CFAP52: variants seen among roughly 807,000 people sequenced by gnomAD.
CFAP52 encodes cilia and flagella associated protein 52, also known as cilia- and flagella-associated protein 52.
In CFAP52, 57 loss-of-function variants were observed where a neutral mutation model predicts 70.5. The ratio of observed to expected loss-of-function variants is 0.81; its 90% CI spans 0.65 to 1.01. The LOEUF (loss-of-function observed/expected upper bound fraction) is 1.01. Ranked by LOEUF, CFAP52 falls within the 50% of genes least tolerant of loss-of-function variation. The pLI, the probability that CFAP52 is intolerant of heterozygous loss-of-function variation, is 0.00. For missense variants in CFAP52, 785 were observed against 788.5 expected, an observed-to-expected ratio of 1.00 and a Z score of 0.05; for synonymous variants, 267 against 292.5, an observed-to-expected ratio of 0.91 and a Z score of 0.89.
chr17:9,585,963 G>A lies in CFAP52; in HGVS notation c.261G>A (p.Met87Ile), dbSNP rs768049366. 2 of 1,613,652 alleles carry A rather than the reference G, an allele frequency of 1.2e-6. No individual in the cohort carries two copies. Among genetic ancestry groups the A allele is most frequent in the South Asian group, 1.1e-5 (1 of 91,064 alleles). The change falls in exon 2 of 14, where the codon ATG becomes ATA. Residue 87 changes from methionine (M) to isoleucine (I), a missense_variant. By Grantham distance (10) the Met-to-Ile change is conservative. Transcript: ENST00000352665. Reference sequence around the variant, plus strand: ...TCGCCTCCGGACAAGTCACATTCATGGGGTTCAAGGTGAATACAGTGAAAA... The same window carrying A: ...TCGCCTCCGGACAAGTCACATTCATAGGGTTCAAGGTGAATACAGTGAAAA... The part of the protein sequence containing the change: ...EYIASGQVTF[M>I]GFKADIILWD...
intron 1 of CFAP52, among the ~76,000 whole-genome samples, chr17:9,582,457 A>C (rs1365221050): frequency 6.6e-6 from 1 of 152,206 alleles, no homozygotes; most frequent in African/African-American, 2.4e-5. Flanking sequence ...TTCCTTCAGC[A>C]TAAACTGGCT....
intron 8 of CFAP52, among the ~76,000 whole-genome samples, chr17:9,613,761 CA>C (rs1909799428): frequency 6.6e-6 from 1 of 152,096 alleles, no homozygotes; most frequent in African/African-American, 2.4e-5. Context: ...TCAAGTGATC[CA>C]CCCACCTCAG....
chr17:9,577,878 G>A (rs1908035974), intron 1 of CFAP52, among the ~76,000 whole-genome samples: 1 of 152,142 alleles, frequency 6.6e-6, no homozygotes, highest in Non-Finnish European at 1.5e-5. Context: ...GATCACCTGA[G>A]GTCAGGAGTT....
intron 7 of CFAP52, 116 bp downstream of exon 7, chr17:9,608,335 T>C: frequency 1.2e-6 from 1 of 832,992 alleles, no homozygotes; most frequent in Non-Finnish European, 1.7e-6. Flanking sequence ...AAATTTCATC[T>C]TGCTGTTAGA....
At position 9,638,631 on chromosome 17, in the gene CFAP52, A is replaced by T. The variant is rs1910914205; in HGVS notation, c.1495A>T (p.Ile499Leu). ...CAGGCGTCTCAGGAGGAATCAGATG[A>T]TACTAGCCAACACCTTATTCCAGTG... The part of the protein sequence containing the change: ...DLVRLRRNQM[I>L]LANTLFQCVC... The change falls in exon 12 of 14, where the codon ATA becomes TTA. Residue 499 changes from isoleucine to leucine, a missense_variant. By Grantham distance (5) the Ile-to-Leu change is conservative. Transcript: ENST00000352665. The T allele has an allele frequency of 1.9e-6, 3 of 1,614,184 alleles. No individual in the cohort carries two copies. Among genetic ancestry groups the T allele is most frequent in the Non-Finnish European group, 2.5e-6 (3 of 1,180,036 alleles).
chr17:9,614,709 G>A (rs1028671551), intron 8 of CFAP52, among the ~76,000 whole-genome samples: 8 of 152,194 alleles, frequency 5.3e-5, no homozygotes, highest in African/African-American at 1.7e-4. Context: ...TAGATAACTT[G>A]ATATTGTGGA....
chr17:9,604,998 T>A (rs1260637964), intron 6 of CFAP52, among the ~76,000 whole-genome samples: 3 of 152,128 alleles, frequency 2.0e-5, no homozygotes, highest in African/African-American at 7.2e-5. Flanking sequence ...CTGATGGGAA[T>A]GCAAAATAGT....
intron 3 of CFAP52, among the ~76,000 whole-genome samples, chr17:9,588,206 T>C (rs1908583209): frequency 6.6e-6 from 1 of 151,644 alleles, no homozygotes; most frequent in African/African-American, 2.4e-5. Flanking sequence ...TGCCATAGCA[T>C]GGGAAAGGCC....
At chr17:9,631,032 G>GGA (rs1910482799) in intron 9 of CFAP52, among the ~76,000 whole-genome samples, 1 of 46,772 alleles carries the variant, frequency 2.1e-5, no homozygotes, top group African/African-American at 9.6e-5. Flanking sequence ...GAAAGAAAGA[G>GGA]AGAGAGAGAG....
intron 12 of CFAP52, among the ~76,000 whole-genome samples, chr17:9,639,609 C>A (rs1910967658): frequency 6.6e-6 from 1 of 152,010 alleles, no homozygotes. Flanking sequence ...CTAATACACA[C>A]ATGAACCAAT....
chr17:9,593,921 C>T (rs943031326), intron 3 of CFAP52, among the ~76,000 whole-genome samples: 3 of 151,998 alleles, frequency 2.0e-5, no homozygotes, highest in East Asian at 1.9e-4. Context: ...GCAGAGATGG[C>T]GCCATTGCAC....
chr17:9,596,059 G>GTGTGTGTATATATA (rs1555541607), intron 4 of CFAP52, among the ~76,000 whole-genome samples: 3 of 85,210 alleles, frequency 3.5e-5, no homozygotes, highest in Non-Finnish European at 7.0e-5. Flanking sequence ...ATATGTGTGT[G>GTGTGTGTATATATA]TATATATATA....
intron 3 of CFAP52, among the ~76,000 whole-genome samples, chr17:9,593,880 G>A (rs766648979): frequency 6.6e-6 from 1 of 152,062 alleles, no homozygotes; most frequent in African/African-American, 2.4e-5. Context: ...CAGGAGAATC[G>A]CTTGAATCCA....
rs535028367 is a variant in CFAP52 at position 9,621,928 on chromosome 17, G to A, written c.1026-6744G>A. Among the ~76,000 whole-genome samples the A allele has an allele frequency of 2.7e-3, 407 of 149,804 alleles. 2 individuals carry two copies. Among genetic ancestry groups the A allele is most frequent in the African/African-American group, 9.4e-3 (384 of 40,658 alleles). Reference sequence around the variant, plus strand: ...TAGATGACACGTTAGTGGGTGCAGCGCACCAGCATGGCACATGTATACATA... The same window carrying A: ...TAGATGACACGTTAGTGGGTGCAGCACACCAGCATGGCACATGTATACATA... On this transcript the variant is annotated intron_variant, in intron 8 of 13. Transcript: ENST00000352665.
chr17:9,586,236 T>C (rs546807255), intron 2 of CFAP52, among the ~76,000 whole-genome samples: 1 of 152,200 alleles, frequency 6.6e-6, no homozygotes, highest in African/African-American at 2.4e-5. Context: ...TGTGTTGCTG[T>C]CATGTTTGTA....
At chr17:9,616,306 C>T (rs1202325426) in intron 8 of CFAP52, among the ~76,000 whole-genome samples, 101 of 130,298 alleles carry the variant, frequency 7.8e-4, no homozygotes, top group African/African-American at 2.8e-3. Context: ...TAAGAAACGG[C>T]GCACCACGAG....
chr17:9,589,857 T>C (rs1432074712), intron 3 of CFAP52: 1 of 143,016 alleles, frequency 7.0e-6, no homozygotes, highest in African/African-American at 2.5e-5. Flanking sequence ...GACTGATCTA[T>C]GTAATCACCA....
chr17:9,586,582 A>G (rs938379045), intron 2 of CFAP52, 116 bp from the exon 3 acceptor site: 121 of 1,352,288 alleles, frequency 8.9e-5, no homozygotes, highest in African/African-American at 4.5e-4. Context: ...AAAAAAAAAA[A>G]AAAGAAAGAA....
intron 13 of CFAP52, among the ~76,000 whole-genome samples, chr17:9,642,515 T>C (rs138018844): frequency 0.013 from 1,978 of 152,180 alleles, 49 homozygotes; most frequent in African/African-American, 0.045. Flanking sequence ...TCCCAGCTAC[T>C]TGGGAGGCTG....
Sources: gnomAD v4.1 joint callset for allele counts (sites outside exome capture counted in the v4.1 genomes callset) on GRCh38, gnomAD v4.1.1 for gene constraint, MANE v1.5 for transcripts, NCBI Gene and HGNC (gene_info 2026-07-23, HGNC 2026-07-21) for gene names.